KDM4A: variants seen among roughly 807,000 people sequenced by gnomAD.
KDM4A encodes lysine-specific demethylase 4A.
A neutral mutation model predicts 127.1 loss-of-function variants in KDM4A; 23 were observed. That is an observed-to-expected ratio of 0.18 (90% CI 0.13 to 0.26). The LOEUF (loss-of-function observed/expected upper bound fraction) is 0.26, where lower values mean the gene tolerates loss of function less well. KDM4A is among the 10% of genes least tolerant of loss of function. The pLI is 1.00. For missense variants in KDM4A, 890 were observed against 1,329.1 expected, an observed-to-expected ratio of 0.67 and a Z score of 5.14; for synonymous variants, 443 against 466.5, an observed-to-expected ratio of 0.95 and a Z score of 0.65.
chr1:43,694,219 T>G lies in KDM4A; in HGVS notation c.2484+117T>G. 1 of 794,122 alleles carries G rather than the reference T, an allele frequency of 1.3e-6. No individual in the cohort carries two copies. The highest frequency in any genetic ancestry group is 2.0e-6 in the Non-Finnish European group (1 of 488,246). 49.2% of individuals were successfully genotyped at this position (794,122 alleles called of 1,614,324 possible). A position where few individuals can be genotyped will look rare whatever the true frequency, so the allele number is the denominator to read the frequency against. On this transcript the variant is annotated intron_variant, in intron 17 of 21. Coordinates refer to ENST00000372396, the MANE Select transcript of KDM4A (RefSeq NM_014663.3). This position sits in a 1 kb window ranked among gnomAD's most constrained non-coding sequence, Gnocchi z 5.2. Reference sequence around the variant, plus strand: ...GAGTTTGTGATTCTCACTCTGTGGTTAGATTCCTTAGTGGAGGCCAGGTGT... The same window carrying G: ...GAGTTTGTGATTCTCACTCTGTGGTGAGATTCCTTAGTGGAGGCCAGGTGT...
At chr1:43,701,026 G>A (rs1331231156) in intron 19 of KDM4A, among the ~76,000 whole-genome samples, 2 of 151,514 alleles carry the variant, frequency 1.3e-5, no homozygotes, top group African/African-American at 2.4e-5. Flanking sequence ...GGGTTCAAGC[G>A]ATTCTCCTGC....
chr1:43,651,499 C>G (rs889615817), intron 1 of KDM4A, among the ~76,000 whole-genome samples: 13 of 152,206 alleles, frequency 8.5e-5, no homozygotes, highest in African/African-American at 2.4e-4. Flanking sequence ...TCTCTCCTAC[C>G]TTACACAGTT....
At chr1:43,673,035 C>T (rs1019420483) in intron 11 of KDM4A, among the ~76,000 whole-genome samples, 5 of 152,112 alleles carry the variant, frequency 3.3e-5, no homozygotes, top group East Asian at 1.9e-4. Flanking sequence ...GCTATAAACA[C>T]GAACATGTGT....
intron 3 of KDM4A, among the ~76,000 whole-genome samples, chr1:43,656,733 T>C (rs1382479041): frequency 1.4e-5 from 2 of 147,280 alleles, no homozygotes; most frequent in Non-Finnish European, 3.0e-5. Flanking sequence ...TACTCCATCT[T>C]TTTTTTTTTT....
chr1:43,701,600 T>C (rs989585006), intron 19 of KDM4A, among the ~76,000 whole-genome samples: 1 of 152,140 alleles, frequency 6.6e-6, no homozygotes, highest in Non-Finnish European at 1.5e-5. Flanking sequence ...CCTCAAGCAG[T>C]CCTCAGCCTT....
intron 11 of KDM4A, among the ~76,000 whole-genome samples, chr1:43,679,547 A>C (rs1191473360): frequency 6.6e-6 from 1 of 152,098 alleles, no homozygotes; most frequent in East Asian, 1.9e-4. Flanking sequence ...CCCAAGCTGT[A>C]ATCTGGGCTG....
In KDM4A at chr1:43,653,275, A is replaced by G. The variant is rs763779784; in HGVS notation, c.100A>G (p.Ile34Val). ...AAACTTCAGTAGATACATTGCCTAC[A>G]TTGAATCCCAAGGAGCTCATCGGGC... ...FRNFSRYIAY[I>V]ESQGAHRAGL... Residue 34 changes from isoleucine to valine, a missense_variant, in exon 2 of 22, where the codon ATT (isoleucine) becomes GTT (valine). Around this residue, in one of 7 missense-constraint regions of KDM4A, gnomAD observed 35 missense variants for 27.7 expected, o/e 1.26. Transcript: ENST00000372396. The G allele has an allele frequency of 9.9e-6, 16 of 1,613,654 alleles. No individual in the cohort carries two copies. Among genetic ancestry groups the G allele is most frequent in the Non-Finnish European group, 1.3e-5 (15 of 1,179,736 alleles).
chr1:43,661,124 G>A (rs1013577044), intron 4 of KDM4A, among the ~76,000 whole-genome samples: 1 of 151,940 alleles, frequency 6.6e-6, no homozygotes, highest in Non-Finnish European at 1.5e-5. Flanking sequence ...ATAGGCATGC[G>A]CCACCATGCC....
intron 19 of KDM4A, among the ~76,000 whole-genome samples, chr1:43,699,304 T>C (rs1262334688): frequency 1.3e-5 from 2 of 152,090 alleles, no homozygotes; most frequent in Non-Finnish European, 2.9e-5. Context: ...GCTTTGTTGC[T>C]CAGGCTGGTT....
At chr1:43,681,991 A>G (rs988622044) in intron 11 of KDM4A, among the ~76,000 whole-genome samples, 5 of 152,172 alleles carry the variant, frequency 3.3e-5, no homozygotes, top group African/African-American at 4.8e-5. Flanking sequence ...GATTGGAGAC[A>G]AAGTCTCACT....
rs1234282632 is a variant in KDM4A, at chr1:43,688,370, C to G, written c.1856-544C>G. On this transcript the variant is annotated intron_variant, in intron 12 of 21. Coordinates refer to ENST00000372396, the MANE Select transcript of KDM4A (RefSeq NM_014663.3). This position sits in a 1 kb window ranked among gnomAD's most constrained non-coding sequence, Gnocchi z 4.4. ...TCTAGGAGGGGTTGGGGAGCCTTGTCCAGAATAGGTACATACTGCTGACCT... is the reference window on the plus strand; with the variant it reads ...TCTAGGAGGGGTTGGGGAGCCTTGTGCAGAATAGGTACATACTGCTGACCT... 6.6e-6 allele frequency among the ~76,000 whole-genome samples: 1 copy of G among 152,088 alleles called. No individual in the cohort carries two copies. The highest frequency in any genetic ancestry group is 1.5e-5 in the Non-Finnish European group (1 of 68,010).
intron 11 of KDM4A, among the ~76,000 whole-genome samples, chr1:43,682,249 CCTTT>C (rs745877308): frequency 1.1e-4 from 17 of 152,208 alleles, no homozygotes; most frequent in South Asian, 4.1e-4. Flanking sequence ...TGGCCAGAAC[CCTTT>C]CTTTAAGTGA....
chr1:43,665,607 T>C (rs1660483590), intron 5 of KDM4A, 89 bp from the exon 6 acceptor site: 1 of 1,198,096 alleles, frequency 8.3e-7, no homozygotes, highest in African/African-American at 1.5e-5. Flanking sequence ...AAAAATCTGC[T>C]ATTTCAAGGT....
Position 43,703,514 on chromosome 1 carries a change from A to C in KDM4A, c.2842-103A>C, listed in dbSNP as rs915221654. The stretch of plus-strand genomic sequence containing the variant: ...GCCCAGAGAGCTGCCTTGCTCTCTA[A>C]AACAGTTACTTTGTCCTGGTTCACT... On this transcript the variant is annotated intron_variant, in intron 19 of 21. Coordinates refer to ENST00000372396, the MANE Select transcript of KDM4A (RefSeq NM_014663.3). The C allele has an allele frequency of 2.7e-6, 4 of 1,459,162 alleles. No homozygotes were observed. In the East Asian group the frequency reaches 6.9e-5, roughly 25 times the overall value. The allele number at this position is 1,459,162 out of a possible 1,614,324, so 90.4% of individuals were successfully genotyped here.
intron 4 of KDM4A, among the ~76,000 whole-genome samples, chr1:43,661,037 C>T (rs6661350): frequency 0.49 from 73,573 of 151,062 alleles, 19,354 homozygotes; most frequent in African/African-American, 0.71. Context: ...TGCAATGGCG[C>T]GATCTCAGCT....
Position 43,688,732 on chromosome 1 carries a change from A to G in KDM4A, c.1856-182A>G, listed in dbSNP as rs1215032700. 6.6e-6 allele frequency among the ~76,000 whole-genome samples: 1 copy of G among 152,178 alleles called. No individual in the cohort carries two copies. Among genetic ancestry groups the G allele is most frequent in the East Asian group, 1.9e-4 (1 of 5,190 alleles). On this transcript the variant is annotated intron_variant, in intron 12 of 21. Coordinates refer to ENST00000372396, the MANE Select transcript of KDM4A (RefSeq NM_014663.3). The surrounding 1 kb of genome is among the most constrained non-coding windows in gnomAD (Gnocchi z 4.4). ...TGGCAGGACTCCCTACACATCATCA[A>G]GATACTGAAGGAGTCTATTGACAGT...
chr1:43,652,336 C>CT (rs963211065), intron 1 of KDM4A, among the ~76,000 whole-genome samples: 11 of 151,984 alleles, frequency 7.2e-5, no homozygotes, highest in East Asian at 1.9e-4. Flanking sequence ...AATTAGTTTC[C>CT]TTTTTTTAGC....
In KDM4A at chr1:43,680,813, T is replaced by C. The variant is rs1014039109; in HGVS notation, c.1735-2871T>C. On this transcript the variant is annotated intron_variant, in intron 11 of 21. Coordinates refer to ENST00000372396, the MANE Select transcript of KDM4A (RefSeq NM_014663.3). Reference sequence around the variant, plus strand: ...GATTACATTGGGCCCACCTGGATGATCCAGGGTACGCTCCCTATTTTAAAC... The same window carrying C: ...GATTACATTGGGCCCACCTGGATGACCCAGGGTACGCTCCCTATTTTAAAC... Among the ~76,000 whole-genome samples, 4 of 152,240 alleles carry C rather than the reference T, an allele frequency of 2.6e-5. No homozygotes were observed. In the East Asian group the frequency reaches 7.7e-4, roughly 29 times the overall value.
intron 9 of KDM4A, 121 bp downstream of exon 9, chr1:43,668,140 G>A: frequency 7.3e-7 from 1 of 1,366,496 alleles, no homozygotes; most frequent in Non-Finnish European, 1.0e-6. Context: ...TTTTGTTTTT[G>A]TTTTTGATGG....
Sources: gnomAD v4.1 joint callset for allele counts (sites outside exome capture counted in the v4.1 genomes callset) on GRCh38, gnomAD v4.1.1 for gene constraint, gnomAD v4.1.1 regional missense constraint, Gnocchi (gnomAD v3.1) non-coding constraint, MANE v1.5 for transcripts, NCBI Gene and HGNC (gene_info 2026-07-23, HGNC 2026-07-21) for gene names.